The following CSNK1A1 variants were observed in gnomAD, a reference collection of about 807,000 sequenced individuals.
CSNK1A1 encodes the protein casein kinase I isoform alpha.
In CSNK1A1, 7 loss-of-function variants were observed where a neutral mutation model predicts 46.1. That is an observed-to-expected ratio of 0.15 (90% CI 0.09 to 0.29). The LOEUF (loss-of-function observed/expected upper bound fraction) is 0.29. Among genes scored for constraint, CSNK1A1 ranks in the 10% least tolerant of loss-of-function variants. The pLI is 1.00. For missense variants in CSNK1A1, 96 were observed against 417.1 expected, an observed-to-expected ratio of 0.23 and a Z score of 6.71; for synonymous variants, 137 against 141.5, an observed-to-expected ratio of 0.97 and a Z score of 0.23.
intron 3 of CSNK1A1, among the ~76,000 whole-genome samples, chr5:149,521,344 ACT>A (rs1761562998): frequency 6.8e-6 from 1 of 147,860 alleles, no homozygotes; most frequent in Admixed American, 6.9e-5. Context: ...ACCATAACTC[ACT>A]GCTGCCTCAA....
intron 2 of CSNK1A1, among the ~76,000 whole-genome samples, chr5:149,534,757 C>T (rs1026817972): frequency 9.2e-5 from 14 of 151,514 alleles, no homozygotes; most frequent in African/African-American, 1.9e-4. Flanking sequence ...ACAAAGACCC[C>T]GGTCTCTCTA....
intron 2 of CSNK1A1, among the ~76,000 whole-genome samples, chr5:149,526,417 T>A (rs1461154980): frequency 6.6e-6 from 1 of 152,172 alleles, no homozygotes; most frequent in Non-Finnish European, 1.5e-5. Context: ...TCCTCCTGCC[T>A]CAGCCTCCCA....
rs922684419 is a variant in CSNK1A1 at position 149,494,459 on chromosome 5, G to A, written c.*2394C>T. On this transcript the variant is annotated 3_prime_UTR_variant, in exon 10 of 10. Transcript: ENST00000377843. ...CTGCACCCCCCAATGGGTGAACAAA[G>A]TAAAGAGTAGTAACCTAGAGTTCAG... 1 of 152,212 alleles carries A rather than the reference G, an allele frequency of 6.6e-6. No individual in the cohort carries two copies. Among genetic ancestry groups the A allele is most frequent in the Non-Finnish European group, 1.5e-5 (1 of 68,028 alleles). 9.4% of individuals were successfully genotyped at this position (152,212 alleles called of 1,614,324 possible).
At chr5:149,545,098 T>C (rs912345422) in intron 2 of CSNK1A1, among the ~76,000 whole-genome samples, 1 of 135,028 alleles carries the variant, frequency 7.4e-6, no homozygotes, top group African/African-American at 2.6e-5. Context: ...CAAGACTCCA[T>C]CTCAAAAAAA....
intron 9 of CSNK1A1, chr5:149,504,883 G>A: frequency 2.0e-6 from 2 of 985,434 alleles, no homozygotes; most frequent in Non-Finnish European, 2.4e-6. Flanking sequence ...ATTTAAGAGA[G>A]AAAATGAGAT....
chr5:149,509,104 T>C (rs907038494), intron 7 of CSNK1A1, among the ~76,000 whole-genome samples: 1 of 151,962 alleles, frequency 6.6e-6, no homozygotes, highest in African/African-American at 2.4e-5. Flanking sequence ...TTTGCATTTT[T>C]TGTAGCGATG....
At chr5:149,520,150 C>T in intron 4 of CSNK1A1, 140 bp downstream of exon 4, 1 of 536,094 alleles carries the variant, frequency 1.9e-6, no homozygotes, top group South Asian at 3.2e-5. Context: ...GCTGATTATC[C>T]TCATAGCACA....
At chr5:149,500,418 T>A (rs1040139356) in intron 9 of CSNK1A1, among the ~76,000 whole-genome samples, 14 of 151,276 alleles carry the variant, frequency 9.3e-5, no homozygotes, top group African/African-American at 3.4e-4. Flanking sequence ...ATTACAGGCA[T>A]GAGCCACCGC....
chr5:149,537,197 G>A (rs566099966), intron 2 of CSNK1A1, among the ~76,000 whole-genome samples: 2 of 152,210 alleles, frequency 1.3e-5, no homozygotes, highest in South Asian at 4.1e-4. Flanking sequence ...CCAACATGGT[G>A]AAACCCCATC....
rs1760598800 is a variant in CSNK1A1, at chr5:149,494,348, A to G, written c.*2505T>C. 6.6e-6 allele frequency: 1 copy of G among 152,192 alleles called. No individual in the cohort carries two copies. The highest frequency in any genetic ancestry group is 6.5e-5 in the Admixed American group (1 of 15,284). The allele number at this position is 152,192 out of a possible 1,614,324, so 9.4% of individuals were successfully genotyped here. On this transcript the variant is annotated 3_prime_UTR_variant, in exon 10 of 10. Transcript: ENST00000377843. ...ATAACCAGTCTCTCCCTTCATATAT[A>G]TTCTTTTTTATTTCTTGTTATACCT...
chr5:149,533,353 C>CT (rs958595346), intron 2 of CSNK1A1, among the ~76,000 whole-genome samples: 4 of 150,830 alleles, frequency 2.7e-5, no homozygotes, highest in Non-Finnish European at 3.0e-5. Context: ...GGGATCTGAT[C>CT]TTTTTTTTTA....
chr5:149,508,499 C>T (rs1273804316), intron 7 of CSNK1A1, among the ~76,000 whole-genome samples: 3 of 152,138 alleles, frequency 2.0e-5, no homozygotes, highest in Admixed American at 6.6e-5. Flanking sequence ...GTCTGAAAGA[C>T]CATATGGCCT....
At chr5:149,507,374 C>T (rs972739294) in intron 7 of CSNK1A1, among the ~76,000 whole-genome samples, 1 of 152,082 alleles carries the variant, frequency 6.6e-6, no homozygotes, top group Non-Finnish European at 1.5e-5. Context: ...CCATATAGTG[C>T]TTTTCCTATA....
In CSNK1A1 at chr5:149,495,877, A is replaced by G. The variant is rs1177171612; in HGVS notation, c.*976T>C. The G allele has an allele frequency of 6.6e-6, 1 of 152,600 alleles. No individual in the cohort carries two copies. The highest frequency in any genetic ancestry group is 1.9e-4 in the East Asian group (1 of 5,204). The allele number at this position is 152,600 out of a possible 1,614,324, so 9.5% of individuals were successfully genotyped here. A position where few individuals can be genotyped will look rare whatever the true frequency, so the allele number is the denominator to read the frequency against. On this transcript the variant is annotated 3_prime_UTR_variant, in exon 10 of 10. Transcript: ENST00000377843. ...AACCTAAATTGACTTGCAAAGGAAT[A>G]CCATGTAACAAATGGCTTGAAGTAG...
Position 149,495,763 on chromosome 5 carries a change from A to T in CSNK1A1, c.*1090T>A, listed in dbSNP as rs1760636266. ...AAGTCATAAAAAAAAAAAAAAAAAA[A>T]GAAAAAAATGAAAGAATGCCTTTCC... is the stretch of plus-strand genomic sequence containing the variant. On this transcript the variant is annotated 3_prime_UTR_variant, in exon 10 of 10. Coordinates refer to ENST00000377843, the MANE Select transcript of CSNK1A1 (RefSeq NM_001892.6). 6.6e-6 allele frequency: 1 copy of T among 151,330 alleles called. No individual in the cohort carries two copies. Among genetic ancestry groups the T allele is most frequent in the Non-Finnish European group, 1.5e-5 (1 of 67,700 alleles). 9.4% of individuals were successfully genotyped at this position (151,330 alleles called of 1,614,324 possible). A position where few individuals can be genotyped will look rare whatever the true frequency, so the allele number is the denominator to read the frequency against.
rs1762605758 is a variant in CSNK1A1, at chr5:149,550,022, T to C, written c.230+53A>G. On this transcript the variant is annotated intron_variant, in intron 2 of 9. Transcript: ENST00000377843. This position sits in a 1 kb window ranked among gnomAD's most constrained non-coding sequence, Gnocchi z 4.3. ...GGTCTCATTACCTGCCTCTACCCAC[T>C]TCCCCATTCCGTGCTTCCCTCAGCG... is the stretch of plus-strand genomic sequence containing the variant. 1.9e-6 allele frequency: 3 copies of C among 1,584,440 alleles called. No homozygotes were observed. Among genetic ancestry groups the C allele is most frequent in the Non-Finnish European group, 2.6e-6 (3 of 1,162,218 alleles).
chr5:149,532,261 A>G (rs1378132708), intron 2 of CSNK1A1, among the ~76,000 whole-genome samples: 1 of 152,130 alleles, frequency 6.6e-6, no homozygotes, highest in Non-Finnish European at 1.5e-5. Context: ...AGTGTAAACT[A>G]TATTTTAAGA....
chr5:149,549,977 A>T (rs1580871722), intron 2 of CSNK1A1, 98 bp downstream of exon 2: 1 of 1,435,620 alleles, frequency 7.0e-7, no homozygotes. Context: ...TAACTAAAAC[A>T]CCAAGACCCG....
intron 9 of CSNK1A1, chr5:149,502,520 T>TTG (rs1561751211): frequency 5.9e-4 from 13 of 21,930 alleles, no homozygotes; most frequent in African/African-American, 8.9e-4. Context: ...TTTTTTTTTT[T>TTG]GGGGGGGGGG....
Sources: gnomAD v4.1 joint callset for allele counts (sites outside exome capture counted in the v4.1 genomes callset) on GRCh38, gnomAD v4.1.1 for gene constraint, Gnocchi (gnomAD v3.1) non-coding constraint, MANE v1.5 for transcripts, NCBI Gene and HGNC (gene_info 2026-07-23, HGNC 2026-07-21) for gene names.